ADGRG1: variants seen among roughly 807,000 people sequenced by gnomAD.
ADGRG1 encodes the protein 7-transmembrane protein with no EGF-like N-terminal domains-1.
In ADGRG1, 53 loss-of-function variants were observed where a neutral mutation model predicts 73.5. That is an observed-to-expected ratio of 0.72 (90% CI 0.58 to 0.91). ADGRG1 has a LOEUF of 0.91. Among genes scored for constraint, ADGRG1 ranks in the 40% least tolerant of loss-of-function variants. ADGRG1 has a pLI of 0.00. For synonymous variants in ADGRG1, 394 were observed against 374.4 expected (o/e 1.05, Z -0.60); for missense variants, 795 against 871.8 (o/e 0.91, Z 1.11).
At chr16:57,641,227 C>G in intron 1 of ADGRG1, 1 of 916,634 alleles carries the variant, frequency 1.1e-6, no homozygotes, top group Non-Finnish European at 1.3e-6. Context: ...TTCCAGTTGG[C>G]TGCAGAGCTT....
At chr16:57,633,954 AC>A in intron 1 of ADGRG1, 1 of 369,288 alleles carries the variant, frequency 2.7e-6, no homozygotes, top group Non-Finnish European at 3.8e-6. Context: ...AAGACCTGAG[AC>A]CTGACCCAGG....
intron 1 of ADGRG1, among the ~76,000 whole-genome samples, chr16:57,644,393 T>G (rs570747069): frequency 8.3e-5 from 11 of 132,992 alleles, no homozygotes; most frequent in Non-Finnish European, 1.4e-4. Flanking sequence ...CACAGACATA[T>G]GCACACTAAT....
intron 1 of ADGRG1, chr16:57,642,237 T>C (rs2041025101): frequency 3.0e-6 from 3 of 985,372 alleles, no homozygotes; most frequent in Non-Finnish European, 3.6e-6. Context: ...AGTGCCCTTT[T>C]CCCCACGAGC....
At position 57,663,494 on chromosome 16, in the gene ADGRG1, C is replaced by G. The variant is rs201080070; in HGVS notation, c.1976C>G (p.Ala659Gly). 1.2e-6 allele frequency: 2 copies of G among 1,613,870 alleles called. No individual in the cohort carries two copies. Among genetic ancestry groups the G allele is most frequent in the Non-Finnish European group, 1.7e-6 (2 of 1,179,870 alleles). ...FIWYWSMRLQ[A>G]RGGPSPLKSN... ...TGGTACTGGTCCATGCGGCTGCAGGCCCGGGGTGGCCCCTCCCCTCTGAAG... is the reference window on the plus strand; with the variant it reads ...TGGTACTGGTCCATGCGGCTGCAGGGCCGGGGTGGCCCCTCCCCTCTGAAG... Residue 659 changes from alanine (A) to glycine (G), a missense_variant, in exon 14 of 14, where the codon GCC (alanine) becomes GGC (glycine). Coordinates refer to ENST00000562631, the MANE Select transcript of ADGRG1 (RefSeq NM_201525.4).
intron 1 of ADGRG1, chr16:57,641,289 T>C (rs1366806458): frequency 5.7e-5 from 56 of 984,576 alleles, no homozygotes; most frequent in Non-Finnish European, 6.5e-5. Flanking sequence ...GGCATGTACA[T>C]TCCCTGGGCA....
chr16:57,643,618 G>A (rs1162506453), intron 1 of ADGRG1: 1 of 984,604 alleles, frequency 1.0e-6, no homozygotes, highest in Non-Finnish European at 1.2e-6. Context: ...CCTGGGCAGT[G>A]AGTGGGCCAG....
At chr16:57,633,463 G>C in intron 1 of ADGRG1, 2 of 985,364 alleles carry the variant, frequency 2.0e-6, no homozygotes, top group Non-Finnish European at 2.4e-6. Context: ...CGCAGACCCT[G>C]TCCCCAGCTG....
At chr16:57,632,506 C>G (rs553037959) in intron 1 of ADGRG1, among the ~76,000 whole-genome samples, 1 of 152,118 alleles carries the variant, frequency 6.6e-6, no homozygotes. Context: ...TTTTTAATAC[C>G]TCTCCCATTG....
Position 57,655,952 on chromosome 16 carries a change from C to T in ADGRG1, c.977C>T (p.Thr326Met), listed in dbSNP as rs201754491. The change falls in exon 7 of 14, where the codon ACG (threonine) becomes ATG (methionine). Residue 326 changes from threonine to methionine, a missense_variant. Transcript: ENST00000562631. ...CAGAACACCAAAGTAGCCAACCTCACGGAGCCCGTGGTGCTCACTTTCCAG... is the reference window on the plus strand; with the variant it reads ...CAGAACACCAAAGTAGCCAACCTCATGGAGCCCGTGGTGCTCACTTTCCAG... ...VVQNTKVANL[T>M]EPVVLTFQHQ... The T allele has an allele frequency of 6.6e-5, 107 of 1,614,110 alleles. 2 individuals carry two copies. The highest frequency in any genetic ancestry group is 2.3e-4 in the African/African-American group (17 of 75,046).
chr16:57,632,251 C>T (rs1239948738), intron 1 of ADGRG1: 2 of 985,358 alleles, frequency 2.0e-6, no homozygotes, highest in Non-Finnish European at 2.4e-6. Flanking sequence ...GCCCCTGCCA[C>T]TGCCAAATCC....
Position 57,653,323 on chromosome 16 carries a change from C to T in ADGRG1, c.608C>T (p.Ala203Val). Reference sequence around the variant, plus strand: ...AAGGCCTCAAGGAGGCCCTCGGCTGCCCCCGCCAGCCAGTAAGTTTGGCAC... The same window carrying T: ...AAGGCCTCAAGGAGGCCCTCGGCTGTCCCCGCCAGCCAGTAAGTTTGGCAC... ...PQKASRRPSA[A>V]PASQQLQSLE... The change falls in exon 4 of 14, where the codon GCC (alanine) becomes GTC (valine). Residue 203 changes from alanine to valine, a missense_variant. Ala to Val is a moderately conservative substitution (Grantham distance 64). Coordinates refer to ENST00000562631, the MANE Select transcript of ADGRG1 (RefSeq NM_201525.4). 2 of 1,608,722 alleles carry T rather than the reference C, an allele frequency of 1.2e-6. No individual in the cohort carries two copies. The highest frequency in any genetic ancestry group is 1.7e-6 in the Non-Finnish European group (2 of 1,179,744).
intron 1 of ADGRG1, chr16:57,647,493 C>T: frequency 1.1e-6 from 1 of 932,806 alleles, no homozygotes; most frequent in Non-Finnish European, 1.3e-6. Context: ...AAGCCGTTTA[C>T]AGGTATCAAT....
Position 57,663,627 on chromosome 16 carries a change from CG to C in ADGRG1, c.*46del. 1 of 1,598,304 alleles carries C rather than the reference CG, an allele frequency of 6.3e-7. No homozygotes were observed. The highest frequency in any genetic ancestry group is 8.5e-7 in the Non-Finnish European group (1 of 1,174,156). ...ATGTGATGAAGCAGAGATTCGGCCT[CG>C]TCGCACACTGCCTGTGGCCCCCGAG... is the stretch of plus-strand genomic sequence containing the variant. On this transcript the variant is annotated 3_prime_UTR_variant, in exon 14 of 14. Transcript: ENST00000562631.
chr16:57,644,450 A>G (rs1328911623), intron 1 of ADGRG1, among the ~76,000 whole-genome samples: 3 of 145,610 alleles, frequency 2.1e-5, no homozygotes, highest in Non-Finnish European at 3.0e-5. Flanking sequence ...ATTCATGCAC[A>G]TGCACACACT....
At chr16:57,632,966 A>T in intron 1 of ADGRG1, 1 of 985,020 alleles carries the variant, frequency 1.0e-6, no homozygotes, top group Non-Finnish European at 1.2e-6. Flanking sequence ...AGGAACAGTG[A>T]GATAGAGAGC....
At chr16:57,626,820 C>A, upstream of ADGRG1, 7 of 977,356 alleles carry the variant, frequency 7.2e-6, no homozygotes, top group Non-Finnish European at 8.5e-6. Context: ...GAAGGACTGA[C>A]CTTGGGGAAA....
At chr16:57,654,922 G>A (rs999831349) in intron 5 of ADGRG1, 25 of 216,330 alleles carry the variant, frequency 1.2e-4, no homozygotes, top group African/African-American at 5.0e-4. Flanking sequence ...GTCTTGCTAC[G>A]TTGTCCAGGT....
intron 1 of ADGRG1, 167 bp downstream of exon 1, chr16:57,628,969 A>T (rs1188422255): frequency 1.8e-6 from 1 of 558,178 alleles, no homozygotes; most frequent in Non-Finnish European, 2.1e-6. Context: ...TGTGAGTGTG[A>T]GTGTGTGAGA....
At chr16:57,657,555 G>T in intron 10 of ADGRG1, 64 bp downstream of exon 10, 1 of 1,214,460 alleles carries the variant, frequency 8.2e-7, no homozygotes. Flanking sequence ...CCACCAGGGC[G>T]CCGCACACAT....
Sources: allele counts gnomAD v4.1 joint callset (sites outside exome capture counted in the v4.1 genomes callset), GRCh38; gene constraint gnomAD v4.1.1; transcripts MANE v1.5; gene names NCBI Gene and HGNC (gene_info 2026-07-23, HGNC 2026-07-21).